Variants in DEAF1 observed in about 807,000 individuals in gnomAD.
DEAF1 encodes the protein DEAF1 transcription factor, also known as deformed epidermal autoregulatory factor 1 homolog.
In DEAF1, 53 loss-of-function variants were observed where a neutral mutation model predicts 58.9. That is an observed-to-expected ratio of 0.90 (90% CI 0.72 to 1.13). The LOEUF (loss-of-function observed/expected upper bound fraction) is 1.13. Ranked by LOEUF, DEAF1 falls within the 50% of genes most tolerant of loss-of-function variation. The probability of loss-of-function intolerance (pLI) is 0.00; values close to 1 mark genes in which losing one functional copy is unlikely to be tolerated. For synonymous variants in DEAF1, 385 were observed against 340.4 expected, an observed-to-expected ratio of 1.13 and a Z score of -1.44; for missense variants, 685 against 791.4, an observed-to-expected ratio of 0.87 and a Z score of 1.61.
Position 644,474 on chromosome 11 carries a change from C to T in DEAF1, c.*76G>A, listed in dbSNP as rs1165340610. On this transcript the variant is annotated 3_prime_UTR_variant, in exon 12 of 12. Transcript: ENST00000382409. The surrounding 1 kb of genome is among the most constrained non-coding windows in gnomAD (Gnocchi z 4.3). Reference sequence around the variant, plus strand: ...CTCTTCTCAACGTCCCCCCAGAGTCCTCAGGGGGGCCTTCGACCTGCAAAA... The same window carrying T: ...CTCTTCTCAACGTCCCCCCAGAGTCTTCAGGGGGGCCTTCGACCTGCAAAA... The T allele has an allele frequency of 3.5e-6, 4 of 1,157,810 alleles. No individual in the cohort carries two copies. Among genetic ancestry groups the T allele is most frequent in the Non-Finnish European group, 5.1e-6 (4 of 789,032 alleles). 71.7% of individuals were successfully genotyped at this position (1,157,810 alleles called of 1,614,324 possible). A position where few individuals can be genotyped will look rare whatever the true frequency, so the allele number is the denominator to read the frequency against.
intron 10 of DEAF1, among the ~76,000 whole-genome samples, chr11:673,507 GAC>G (rs763870078): frequency 1.3e-5 from 2 of 152,172 alleles, no homozygotes; most frequent in Non-Finnish European, 2.9e-5. Context: ...TAGCCTGGGC[GAC>G]AGAGTGACAG....
At chr11:698,751 C>A (rs1861311835), upstream of DEAF1, 5 of 1,241,728 alleles carry the variant, frequency 4.0e-6, no homozygotes, top group Non-Finnish European at 5.9e-6. Context: ...TTGCTGCTTT[C>A]TACAAATACG....
chr11:664,425 C>T (rs1231385397), intron 10 of DEAF1, among the ~76,000 whole-genome samples: 3 of 151,698 alleles, frequency 2.0e-5, no homozygotes, highest in Non-Finnish European at 2.9e-5. Context: ...CTATTCACAC[C>T]GAGAGGAGGA....
At chr11:696,056 G>T (rs79478202), upstream of DEAF1, among the ~76,000 whole-genome samples, 2,423 of 152,254 alleles carry the variant, frequency 0.016, 166 homozygotes, top group Admixed American at 0.12. Flanking sequence ...TCCCCCGCGC[G>T]CGGGCGCCTG....
chr11:694,631 C>T (rs1160623295), intron 1 of DEAF1, 128 bp downstream of exon 1: 4 of 907,112 alleles, frequency 4.4e-6, no homozygotes, highest in Admixed American at 4.5e-5. Flanking sequence ...GTGGAGCGGG[C>T]TGGTCACGTG....
At chr11:695,835 C>T (rs576304398), upstream of DEAF1, 3,677 of 1,230,370 alleles carry the variant, frequency 3.0e-3, 11 homozygotes, top group Non-Finnish European at 3.4e-3. Flanking sequence ...AAGATGGCGG[C>T]CCCGCGGCGA....
Position 653,978 on chromosome 11 carries a change from G to A in DEAF1, c.1577C>T (p.Thr526Ile), listed in dbSNP as rs531423982. 6.8e-6 allele frequency: 11 copies of A among 1,613,916 alleles called. No homozygotes were observed. In the South Asian group the frequency reaches 1.1e-4, roughly 16 times the overall value. Residue 526 changes from threonine to isoleucine, a missense_variant, in exon 11 of 12, where the codon ACC becomes ATC. Transcript: ENST00000382409. The stretch of plus-strand genomic sequence containing the variant: ...GAGACCTACCTTGCGTTGGCAGAAG[G>A]TGGAGCAGTAGTTGACCTTGTGGCA... ...TGCHKVNYCS[T>I]FCQRKDWKDH... is the part of the protein sequence containing the mutation.
intron 11 of DEAF1, among the ~76,000 whole-genome samples, chr11:652,768 A>AG (rs1269336232): frequency 6.6e-6 from 1 of 152,068 alleles, no homozygotes; most frequent in African/African-American, 2.4e-5. Flanking sequence ...CATAAATATG[A>AG]GAAAAAAAAA....
chr11:694,935 TCCGCCTCGCCTCCTGCCGCGGCCGCGG>T lies in DEAF1; in HGVS notation c.86_112del (p.Ala29_Ala37del). 7.9e-7 allele frequency: 1 copy of T among 1,263,852 alleles called. No homozygotes were observed. The highest frequency in any genetic ancestry group is 1.0e-6 in the Non-Finnish European group (1 of 996,846). 78.3% of individuals were successfully genotyped at this position (1,263,852 alleles called of 1,614,324 possible). A position where few individuals can be genotyped will look rare whatever the true frequency, so the allele number is the denominator to read the frequency against. The stretch of plus-strand genomic sequence containing the variant: ...CTCGTCCCTGCTCAGCACCGGCTCC[TCCGCCTCGCCTCCTGCCGCGGCCGCGG>T]CCGCCGCCGCCACAGCGGCCGCGGC... On this transcript the variant is annotated inframe_deletion, in exon 1 of 12. Transcript: ENST00000382409.
At chr11:695,829 T>C, upstream of DEAF1, 1 of 1,230,118 alleles carries the variant, frequency 8.1e-7, no homozygotes, top group Non-Finnish European at 1.0e-6. Flanking sequence ...GCGGGTAAGA[T>C]GGCGGCCCCG....
chr11:681,716 T>A (rs916438589), intron 6 of DEAF1, among the ~76,000 whole-genome samples: 1 of 152,144 alleles, frequency 6.6e-6, no homozygotes, highest in Non-Finnish European at 1.5e-5. Flanking sequence ...GGCCGACTTT[T>A]TTTTTTAAAT....
chr11:701,119 G>A (rs959243824), intron 1 of DEAF1: 4 of 215,268 alleles, frequency 1.9e-5, no homozygotes, highest in Non-Finnish European at 3.8e-5. Context: ...GAGTCTGGAG[G>A]GGTGGGAGCC....
At position 694,989 on chromosome 11, in the gene DEAF1, G is replaced by GCCA. The variant is rs1445772540; in HGVS notation, c.56_58dup (p.Val19dup). On this transcript the variant is annotated inframe_insertion, in exon 1 of 12. Coordinates refer to ENST00000382409, the MANE Select transcript of DEAF1 (RefSeq NM_021008.4). The stretch of plus-strand genomic sequence containing the variant: ...CGCCGCCGCCACAGCGGCCGCGGCC[G>GCCA]CCACCGCCGCCGCCTCAGCCAGGCC... 4 of 1,141,974 alleles carry GCCA rather than the reference G, an allele frequency of 3.5e-6. No homozygotes were observed. Among genetic ancestry groups the GCCA allele is most frequent in the East Asian group, 4.9e-5 (1 of 20,322 alleles). The allele number at this position is 1,141,974 out of a possible 1,614,324, so 70.7% of individuals were successfully genotyped here.
At chr11:692,959 C>T (rs1003248361) in intron 1 of DEAF1, among the ~76,000 whole-genome samples, 3 of 152,210 alleles carry the variant, frequency 2.0e-5, no homozygotes, top group South Asian at 4.1e-4. Context: ...CGGCATGCGG[C>T]GCGCGGCCAC....
At chr11:674,825 A>G (rs545305855) in intron 9 of DEAF1, 42 bp from the exon 10 acceptor site, 15 of 1,602,318 alleles carry the variant, frequency 9.4e-6, no homozygotes, top group Middle Eastern at 1.7e-4. Context: ...AAATTAATAC[A>G]TCTCCTAGCT....
rs1860677624 is a variant in DEAF1 at position 688,115 on chromosome 11, T to C, written c.518-58A>G. The C allele has an allele frequency of 6.2e-7, 1 of 1,609,210 alleles. No individual in the cohort carries two copies. The highest frequency in any genetic ancestry group is 2.2e-5 in the East Asian group (1 of 44,844). ...CCGGACACCGGGAAGCATAGTACACTCTCATCTCAGACACCACCTCCCCGG... is the reference window on the plus strand; with the variant it reads ...CCGGACACCGGGAAGCATAGTACACCCTCATCTCAGACACCACCTCCCCGG... On this transcript the variant is annotated intron_variant, in intron 3 of 11. Transcript: ENST00000382409. This position sits in a 1 kb window ranked among gnomAD's most constrained non-coding sequence, Gnocchi z 4.3.
At chr11:695,748 C>T, upstream of DEAF1, 1 of 1,239,340 alleles carries the variant, frequency 8.1e-7, no homozygotes, top group Non-Finnish European at 1.0e-6. Flanking sequence ...TCAGGAGACG[C>T]GAAAATGGCC....
At chr11:654,213 G>C (rs1481699836) in intron 10 of DEAF1, among the ~76,000 whole-genome samples, 162 bp from the exon 11 acceptor site, 1 of 137,942 alleles carries the variant, frequency 7.2e-6, no homozygotes, top group East Asian at 2.1e-4. Flanking sequence ...CTGTCGCCCA[G>C]GCTGGAGTGC....
upstream of DEAF1, chr11:695,790 G>T: frequency 8.1e-7 from 1 of 1,236,296 alleles, no homozygotes; most frequent in Non-Finnish European, 1.0e-6. Flanking sequence ...CCGAGAGGCT[G>T]CCGGGATCGC....
Sources: allele counts gnomAD v4.1 joint callset (sites outside exome capture counted in the v4.1 genomes callset), GRCh38; gene constraint gnomAD v4.1.1; non-coding constraint Gnocchi (gnomAD v3.1); transcripts MANE v1.5; gene names NCBI Gene and HGNC (gene_info 2026-07-23, HGNC 2026-07-21).